RNF121: variants seen among roughly 807,000 people sequenced by gnomAD.
The protein encoded by RNF121 is ring finger protein 121.
Under a neutral mutation model 46.5 loss-of-function variants are expected in RNF121, and 21 were observed. The observed-to-expected ratio is 0.45, with a 90% CI of 0.32 to 0.65. RNF121 has a LOEUF of 0.65. RNF121 is among the 30% of genes least tolerant of loss of function. RNF121 has a pLI of 0.04. For missense variants in RNF121, 346 were observed against 416.0 expected (o/e 0.83, Z 1.46); for synonymous variants, 139 against 144.7 (o/e 0.96, Z 0.28).
chr11:71,943,855 C>T (rs1953648916), intron 1 of RNF121, among the ~76,000 whole-genome samples: 1 of 152,092 alleles, frequency 6.6e-6, no homozygotes, highest in Non-Finnish European at 1.5e-5. Flanking sequence ...AAAGAGAATG[C>T]CACCTTCAGG....
intron 4 of RNF121, among the ~76,000 whole-genome samples, chr11:71,985,435 G>A (rs560162004): frequency 6.6e-6 from 1 of 152,154 alleles, no homozygotes; most frequent in Non-Finnish European, 1.5e-5. Context: ...TCCATATTGA[G>A]TTTTTTGACC....
At chr11:71,943,378 G>A (rs529081994) in intron 1 of RNF121, among the ~76,000 whole-genome samples, 5 of 152,228 alleles carry the variant, frequency 3.3e-5, no homozygotes, top group African/African-American at 4.8e-5. Flanking sequence ...AGGTTTGGAC[G>A]TTGTTCTGGG....
intron 3 of RNF121, among the ~76,000 whole-genome samples, chr11:71,976,239 G>A (rs963890069): frequency 8.6e-5 from 13 of 151,058 alleles, no homozygotes; most frequent in African/African-American, 3.2e-4. Context: ...TTATTTGTTA[G>A]TGTTCTTTGT....
intron 1 of RNF121, among the ~76,000 whole-genome samples, chr11:71,950,676 G>A (rs1032537407): frequency 5.3e-5 from 8 of 151,576 alleles, no homozygotes; most frequent in African/African-American, 1.5e-4. Context: ...TGTTTGAGGC[G>A]GAGTCTTGCT....
chr11:71,996,761 A>ACGGC lies in RNF121; in HGVS notation c.*446_*447insCGGC. On this transcript the variant is annotated 3_prime_UTR_variant, in exon 9 of 9. Transcript: ENST00000361756. ...GGCTCAAGCCTGGTGCACTTAGTAT[A>ACGGC]GAAGAGCTAACGTACTCAGGCTTGT... is the stretch of plus-strand genomic sequence containing the variant. 1 of 173,808 alleles carries ACGGC rather than the reference A, an allele frequency of 5.8e-6. No individual in the cohort carries two copies. Among genetic ancestry groups the ACGGC allele is most frequent in the South Asian group, 1.1e-4 (1 of 8,860 alleles). The allele number at this position is 173,808 out of a possible 1,614,324, so 10.8% of individuals were successfully genotyped here. A position where few individuals can be genotyped will look rare whatever the true frequency, so the allele number is the denominator to read the frequency against.
intron 1 of RNF121, among the ~76,000 whole-genome samples, chr11:71,941,688 G>C (rs552359075): frequency 6.6e-6 from 1 of 152,326 alleles, no homozygotes; most frequent in Admixed American, 6.5e-5. Flanking sequence ...GTCCTGAATG[G>C]TGAAGACCTA....
intron 3 of RNF121, among the ~76,000 whole-genome samples, chr11:71,964,967 G>A (rs920830316): frequency 3.2e-4 from 48 of 152,148 alleles, no homozygotes; most frequent in African/African-American, 1.1e-3. Context: ...AAGCAGACCT[G>A]CCTAGAGACA....
intron 3 of RNF121, among the ~76,000 whole-genome samples, chr11:71,979,443 C>G (rs1954599015): frequency 6.6e-6 from 1 of 152,150 alleles, no homozygotes; most frequent in African/African-American, 2.4e-5. Flanking sequence ...TTTTCTCACA[C>G]ACAGTCTTTT....
intron 6 of RNF121, among the ~76,000 whole-genome samples, chr11:71,994,172 A>G (rs1288266349): frequency 1.3e-5 from 2 of 152,158 alleles, no homozygotes; most frequent in African/African-American, 4.8e-5. Flanking sequence ...TTGAAGTGAA[A>G]TTAATGGGTC....
chr11:71,982,399 G>GAGAA (rs1954682892), intron 3 of RNF121, among the ~76,000 whole-genome samples: 1 of 148,592 alleles, frequency 6.7e-6, no homozygotes, highest in Admixed American at 6.7e-5. Flanking sequence ...GTTTTAAGCA[G>GAGAA]AGAAATGACA....
At chr11:71,940,063 G>C (rs902852908) in intron 1 of RNF121, among the ~76,000 whole-genome samples, 1 of 152,174 alleles carries the variant, frequency 6.6e-6, no homozygotes, top group African/African-American at 2.4e-5. Flanking sequence ...TTATCATGTG[G>C]ATAGGAGGCC....
At chr11:71,969,133 TGCC>T in intron 3 of RNF121, among the ~76,000 whole-genome samples, 1 of 152,120 alleles carries the variant, frequency 6.6e-6, no homozygotes, top group African/African-American at 2.4e-5. Flanking sequence ...GTGATCCACC[TGCC>T]TCGGCCTCCC....
intron 3 of RNF121, among the ~76,000 whole-genome samples, chr11:71,969,258 G>T (rs1166791495): frequency 6.6e-6 from 1 of 152,098 alleles, no homozygotes; most frequent in Non-Finnish European, 1.5e-5. Flanking sequence ...TCACGTAAAG[G>T]TGAATGGGTG....
At chr11:71,976,108 T>C (rs1954520962) in intron 3 of RNF121, among the ~76,000 whole-genome samples, 1 of 152,174 alleles carries the variant, frequency 6.6e-6, no homozygotes, top group African/African-American at 2.4e-5. Context: ...TGAAGCCTTC[T>C]TGTAGTCTTC....
intron 7 of RNF121, 155 bp from the exon 8 acceptor site, chr11:71,995,295 T>G: frequency 1.5e-6 from 1 of 647,292 alleles, no homozygotes; most frequent in Middle Eastern, 4.2e-4. Context: ...TCATTATCCT[T>G]ACTTCACATG....
intron 3 of RNF121, among the ~76,000 whole-genome samples, chr11:71,973,934 T>TTTTG (rs757761064): frequency 6.9e-4 from 105 of 152,248 alleles, no homozygotes; most frequent in African/African-American, 2.0e-3. Flanking sequence ...CCCTGTATTT[T>TTTTG]TTTGTTTGTT....
chr11:71,943,524 G>C (rs142570212), intron 1 of RNF121, among the ~76,000 whole-genome samples: 1 of 152,330 alleles, frequency 6.6e-6, no homozygotes, highest in East Asian at 1.9e-4. Context: ...GGAGAATCCT[G>C]TTCACTTGTT....
At chr11:71,934,207 T>C (rs1953346720) in intron 1 of RNF121, among the ~76,000 whole-genome samples, 2 of 152,262 alleles carry the variant, frequency 1.3e-5, no homozygotes, top group Admixed American at 1.3e-4. Context: ...CTCAACTTAG[T>C]CCTCAAACTT....
intron 3 of RNF121, among the ~76,000 whole-genome samples, chr11:71,966,891 A>C (rs1370668141): frequency 4.9e-5 from 7 of 144,278 alleles, no homozygotes; most frequent in Non-Finnish European, 6.0e-5. Context: ...TTGAGACGGA[A>C]TCTCACTCTG....
Sources: allele counts gnomAD v4.1 joint callset (sites outside exome capture counted in the v4.1 genomes callset), GRCh38; gene constraint gnomAD v4.1.1; transcripts MANE v1.5; gene names NCBI Gene and HGNC (gene_info 2026-07-23, HGNC 2026-07-21).